DLGAP2: variants seen among roughly 807,000 people sequenced by gnomAD.
DLGAP2 encodes DLG associated protein 2, also known as disks large-associated protein 2.
A neutral mutation model predicts 100.3 loss-of-function variants in DLGAP2; 26 were observed. The observed-to-expected ratio is 0.26, with a 90% CI of 0.19 to 0.36. The LOEUF (loss-of-function observed/expected upper bound fraction) is 0.36. Among genes scored for constraint, DLGAP2 ranks in the 10% least tolerant of loss-of-function variants. DLGAP2 has a pLI of 1.00. For synonymous variants in DLGAP2, 886 were observed against 630.1 expected (o/e 1.41, Z -6.08); for missense variants, 1,858 against 1,453.2 (o/e 1.28, Z -4.53).
chr8:1,519,632 C>T (rs560987944), intron 4 of DLGAP2, among the ~76,000 whole-genome samples: 1 of 152,342 alleles, frequency 6.6e-6, no homozygotes, highest in Admixed American at 6.5e-5. Context: ...TGGACACCAC[C>T]TCTTGCCTAA....
At chr8:1,313,215 A>G (rs551206120) in intron 3 of DLGAP2, among the ~76,000 whole-genome samples, 37 of 152,342 alleles carry the variant, frequency 2.4e-4, no homozygotes, top group Non-Finnish European at 3.7e-4. Flanking sequence ...AGTTGTCTGT[A>G]AAGAGGGGTG....
At chr8:1,102,963 G>A (rs547145077) in intron 2 of DLGAP2, among the ~76,000 whole-genome samples, 11 of 151,622 alleles carry the variant, frequency 7.3e-5, no homozygotes, top group Non-Finnish European at 1.0e-4. Flanking sequence ...GTGGTTTTCC[G>A]GGGTCTTCAT....
intron 2 of DLGAP2, among the ~76,000 whole-genome samples, chr8:1,042,871 T>G (rs1359755563): frequency 1.8e-4 from 9 of 51,400 alleles, no homozygotes; most frequent in South Asian, 7.9e-4. Flanking sequence ...GTGGTGGGTG[T>G]GGGTGGTGGG....
At chr8:1,683,285 T>A (rs1042604437) in intron 12 of DLGAP2, among the ~76,000 whole-genome samples, 1 of 151,302 alleles carries the variant, frequency 6.6e-6, no homozygotes, top group African/African-American at 2.4e-5. Context: ...TTGGTCAAGG[T>A]GGTGGATGGT....
At chr8:1,534,245 G>A (rs1447831501) in intron 4 of DLGAP2, among the ~76,000 whole-genome samples, 1 of 152,206 alleles carries the variant, frequency 6.6e-6, no homozygotes, top group Non-Finnish European at 1.5e-5. Context: ...TTACTTTTGT[G>A]AAGCGAAAAG....
At chr8:979,498 A>G (rs929710924) in intron 2 of DLGAP2, among the ~76,000 whole-genome samples, 1 of 152,244 alleles carries the variant, frequency 6.6e-6, no homozygotes, top group Non-Finnish European at 1.5e-5. Context: ...GACAGGAGAC[A>G]TGGTATTGTA....
chr8:1,214,075 C>G (rs539484146), intron 2 of DLGAP2, among the ~76,000 whole-genome samples: 3 of 152,306 alleles, frequency 2.0e-5, no homozygotes, highest in African/African-American at 7.2e-5. Context: ...GGTTGCCAGG[C>G]TCCTCCCAGG....
intron 2 of DLGAP2, among the ~76,000 whole-genome samples, chr8:1,101,511 G>A (rs57282008): frequency 0.01 from 1,533 of 152,250 alleles, 18 homozygotes; most frequent in African/African-American, 0.034. Context: ...GAAGGCAGAC[G>A]GGGGTGCCGG....
chr8:1,127,011 G>A (rs1035799064), intron 2 of DLGAP2, among the ~76,000 whole-genome samples: 4 of 150,398 alleles, frequency 2.7e-5, no homozygotes, highest in Non-Finnish European at 5.9e-5. Context: ...GCTCATGAGG[G>A]ATGCCCACCC....
chr8:826,832 AT>A (rs1347633752), intron 1 of DLGAP2, among the ~76,000 whole-genome samples: 9 of 151,770 alleles, frequency 5.9e-5, no homozygotes, highest in African/African-American at 1.9e-4. Context: ...ATTTATGTGG[AT>A]TTGAGGAAGG....
At chr8:1,384,081 T>A (rs957412674) in intron 3 of DLGAP2, among the ~76,000 whole-genome samples, 2 of 151,958 alleles carry the variant, frequency 1.3e-5, no homozygotes. Flanking sequence ...AGTATACACT[T>A]ATTTAGGCAT....
At chr8:791,502 A>G (rs978599219) in intron 1 of DLGAP2, among the ~76,000 whole-genome samples, 2 of 152,232 alleles carry the variant, frequency 1.3e-5, no homozygotes, top group Admixed American at 6.5e-5. Flanking sequence ...ACTGGATCTA[A>G]TAAGTCTCTG....
chr8:1,547,887 G>A (rs959338169), intron 4 of DLGAP2, among the ~76,000 whole-genome samples: 9 of 152,286 alleles, frequency 5.9e-5, no homozygotes, highest in South Asian at 4.1e-4. Context: ...CTGAACAAAC[G>A]ATTTCACGAT....
intron 4 of DLGAP2, among the ~76,000 whole-genome samples, chr8:1,534,394 A>G (rs1275944036): frequency 6.6e-6 from 1 of 152,216 alleles, no homozygotes; most frequent in Non-Finnish European, 1.5e-5. Flanking sequence ...GTTACAATAA[A>G]GATCTGTTTT....
chr8:1,451,241 C>T (rs1403847728), intron 3 of DLGAP2, among the ~76,000 whole-genome samples: 2 of 152,152 alleles, frequency 1.3e-5, no homozygotes, highest in African/African-American at 4.8e-5. Flanking sequence ...AGGCCTGTTG[C>T]AGCGTAACTA....
chr8:934,996 A>T (rs758416756), intron 2 of DLGAP2, among the ~76,000 whole-genome samples: 1 of 152,150 alleles, frequency 6.6e-6, no homozygotes, highest in Non-Finnish European at 1.5e-5. Context: ...TGTGATTTGT[A>T]GGAACGTGTA....
At chr8:987,112 G>C (rs1376017948) in intron 2 of DLGAP2, among the ~76,000 whole-genome samples, 1 of 151,984 alleles carries the variant, frequency 6.6e-6, no homozygotes, top group Non-Finnish European at 1.5e-5. Context: ...TACTTCTTTG[G>C]GCATTTCGGT....
intron 3 of DLGAP2, among the ~76,000 whole-genome samples, chr8:1,417,725 A>AGGGGGGCACGGG (rs1452006281): frequency 1.4e-4 from 20 of 144,286 alleles, no homozygotes; most frequent in African/African-American, 2.8e-4. Context: ...GCGAGGCTCC[A>AGGGGGGCACGGG]GACACAGAAG....
chr8:765,431 C>T (rs1203460929), intron 1 of DLGAP2, among the ~76,000 whole-genome samples: 1 of 152,020 alleles, frequency 6.6e-6, no homozygotes, highest in Non-Finnish European at 1.5e-5. Flanking sequence ...GTGTTAGTGC[C>T]ATATGTTGGT....
Sources: gnomAD v4.1 joint callset for allele counts (sites outside exome capture counted in the v4.1 genomes callset) on GRCh38, gnomAD v4.1.1 for gene constraint, MANE v1.5 for transcripts, NCBI Gene and HGNC (gene_info 2026-07-23, HGNC 2026-07-21) for gene names.